The following COL21A1 variants were observed in gnomAD, a reference collection of about 807,000 sequenced individuals.
The protein encoded by COL21A1 is collagen type XXI alpha 1 chain.
In COL21A1, 149 loss-of-function variants were observed where a neutral mutation model predicts 137.9. The ratio of observed to expected loss-of-function variants is 1.08; its 90% CI spans 0.95 to 1.24. The LOEUF (loss-of-function observed/expected upper bound fraction) is 1.24. COL21A1 is among the 50% of genes most tolerant of loss of function. The pLI is 0.00. For synonymous variants in COL21A1, 456 were observed against 391.5 expected (o/e 1.16, Z -1.95); for missense variants, 1,167 against 1,158.4 (o/e 1.01, Z -0.11).
intron 1 of COL21A1, among the ~76,000 whole-genome samples, chr6:56,235,036 T>G (rs1009074495): frequency 2.6e-5 from 4 of 151,880 alleles, no homozygotes; most frequent in African/African-American, 9.7e-5. Context: ...GCAAGTTATA[T>G]TGAGTCCCTT....
intron 1 of COL21A1, among the ~76,000 whole-genome samples, chr6:56,273,745 A>G (rs956724825): frequency 1.3e-5 from 2 of 152,086 alleles, no homozygotes; most frequent in Non-Finnish European, 2.9e-5. Flanking sequence ...ACCAAAAACA[A>G]TCCTGGCCCA....
intron 1 of COL21A1, among the ~76,000 whole-genome samples, chr6:56,304,822 G>T (rs1730945607): frequency 6.6e-6 from 1 of 152,182 alleles, no homozygotes; most frequent in South Asian, 2.1e-4. Context: ...TAATTGTGAT[G>T]TTAGGGTGTC....
chr6:56,128,444 G>A (rs1167225975), intron 12 of COL21A1, among the ~76,000 whole-genome samples: 1 of 152,142 alleles, frequency 6.6e-6, no homozygotes, highest in African/African-American at 2.4e-5. Flanking sequence ...ATCTCTCCGT[G>A]GGTAGAGTTC....
chr6:56,210,086 T>A (rs1421871286), intron 1 of COL21A1, among the ~76,000 whole-genome samples: 1 of 150,506 alleles, frequency 6.6e-6, no homozygotes, highest in Non-Finnish European at 1.5e-5. Context: ...GTGGGAGGCA[T>A]CACACACTGG....
At chr6:56,357,427 A>T (rs1765860111) in intron 1 of COL21A1, among the ~76,000 whole-genome samples, 1 of 152,178 alleles carries the variant, frequency 6.6e-6, no homozygotes, top group African/African-American at 2.4e-5. Flanking sequence ...GCATGACTGG[A>T]ACTCAACTTC....
chr6:56,177,651 C>T (rs759973899), intron 3 of COL21A1, among the ~76,000 whole-genome samples: 13 of 151,508 alleles, frequency 8.6e-5, no homozygotes, highest in Non-Finnish European at 1.6e-4. Flanking sequence ...AAAAATTAGC[C>T]GGGCGTGGTG....
chr6:56,158,397 C>T (rs1244614154), intron 9 of COL21A1, among the ~76,000 whole-genome samples: 3 of 151,028 alleles, frequency 2.0e-5, no homozygotes, highest in Non-Finnish European at 2.9e-5. Context: ...CTCAGCCTCC[C>T]AAGTAGCTGG....
intron 17 of COL21A1, among the ~76,000 whole-genome samples, chr6:56,082,985 T>C (rs1767922373): frequency 3.0e-5 from 2 of 67,724 alleles, no homozygotes; most frequent in East Asian, 1.6e-3. Context: ...ATAAAAATAA[T>C]GAAACAATTG....
At chr6:56,167,030 T>C (rs751917392) in intron 6 of COL21A1, 47 bp from the exon 7 acceptor site, 29 of 1,421,536 alleles carry the variant, frequency 2.0e-5, no homozygotes. Context: ...ACAAGCTAAT[T>C]GTTTTATAAG....
chr6:56,368,229 C>G (rs1487769347), intron 1 of COL21A1, among the ~76,000 whole-genome samples: 2 of 152,230 alleles, frequency 1.3e-5, no homozygotes, highest in East Asian at 3.9e-4. Flanking sequence ...TAATTCTAAA[C>G]ATTAAAATAA....
rs530541520 is a variant in COL21A1 at position 56,331,795 on chromosome 6, T to C, written c.-39+62176A>G. 2.5e-5 allele frequency: 3 copies of C among 120,596 alleles called. No individual in the cohort carries two copies. In the East Asian group the frequency reaches 2.6e-3, roughly 106 times the overall value. The allele number at this position is 120,596 out of a possible 1,614,324, so 7.5% of individuals were successfully genotyped here. On this transcript the variant is annotated intron_variant, in intron 1 of 28. Transcript: ENST00000370819. ...TTGGTTCCCAAAATGTGAACATAAATATGAACTATCTGTACGCATCTGCAG... is the reference window on the plus strand; with the variant it reads ...TTGGTTCCCAAAATGTGAACATAAACATGAACTATCTGTACGCATCTGCAG...
chr6:56,274,850 T>A (rs903222230), intron 1 of COL21A1, among the ~76,000 whole-genome samples: 3 of 151,792 alleles, frequency 2.0e-5, no homozygotes, highest in Admixed American at 2.0e-4. Flanking sequence ...TTCACAGAAT[T>A]AGAAAAAACT....
chr6:56,165,656 ACT>A (rs1164013534), intron 7 of COL21A1, among the ~76,000 whole-genome samples: 2 of 152,062 alleles, frequency 1.3e-5, no homozygotes, highest in African/African-American at 2.4e-5. Flanking sequence ...TTTCTAGAAA[ACT>A]CTGTTTGATT....
chr6:56,206,115 T>C (rs1465286632), intron 1 of COL21A1, among the ~76,000 whole-genome samples: 1 of 152,138 alleles, frequency 6.6e-6, no homozygotes, highest in South Asian at 2.1e-4. Context: ...AATGACAGGA[T>C]CAAATTCACA....
chr6:56,343,567 G>C (rs1765517469), intron 1 of COL21A1, among the ~76,000 whole-genome samples: 1 of 152,114 alleles, frequency 6.6e-6, no homozygotes, highest in South Asian at 2.1e-4. Flanking sequence ...TTACTCATTT[G>C]CTGGGATAGA....
At chr6:56,159,818 T>C (rs1375116064) in intron 9 of COL21A1, among the ~76,000 whole-genome samples, 2 of 152,144 alleles carry the variant, frequency 1.3e-5, no homozygotes, top group Non-Finnish European at 2.9e-5. Context: ...ATCATCAGGC[T>C]GAAATAAAAA....
intron 1 of COL21A1, among the ~76,000 whole-genome samples, chr6:56,233,665 G>C (rs1781725283): frequency 6.6e-6 from 1 of 150,442 alleles, no homozygotes; most frequent in Non-Finnish European, 1.5e-5. Flanking sequence ...AACGGTAAAG[G>C]AAAAAATTTC....
At chr6:56,189,948 T>C (rs915074422) in intron 1 of COL21A1, among the ~76,000 whole-genome samples, 10 of 152,108 alleles carry the variant, frequency 6.6e-5, no homozygotes, top group Non-Finnish European at 1.3e-4. Flanking sequence ...CAGGTCTGCC[T>C]TACAAGAGCT....
At chr6:56,155,268 C>T (rs1483992623) in intron 10 of COL21A1, among the ~76,000 whole-genome samples, 1 of 152,326 alleles carries the variant, frequency 6.6e-6, no homozygotes, top group East Asian at 1.9e-4. Flanking sequence ...TCTTCCCATG[C>T]AGCACATTTC....
Sources: gnomAD v4.1 joint callset for allele counts (sites outside exome capture counted in the v4.1 genomes callset) on GRCh38, gnomAD v4.1.1 for gene constraint, MANE v1.5 for transcripts, NCBI Gene and HGNC (gene_info 2026-07-23, HGNC 2026-07-21) for gene names.